Variants in EGLN2 observed in about 807,000 individuals in gnomAD.
The protein encoded by EGLN2 is egl-9 family hypoxia inducible factor 2, also known as prolyl hydroxylase EGLN2.
EGLN2 carries 15 observed loss-of-function variants against 38.2 expected under a neutral mutation model. The ratio of observed to expected loss-of-function variants is 0.39; its 90% CI spans 0.26 to 0.60. The LOEUF (loss-of-function observed/expected upper bound fraction) is 0.60. Among genes scored for constraint, EGLN2 ranks in the 20% least tolerant of loss-of-function variants. The pLI, the probability that EGLN2 is intolerant of heterozygous loss-of-function variation, is 0.50. For synonymous variants in EGLN2, 284 were observed against 237.4 expected (o/e 1.20, Z -1.81); for missense variants, 492 against 570.4 (o/e 0.86, Z 1.40).
chr19:40,801,555 C>T, intron 2 of EGLN2, 140 bp downstream of exon 2: 2 of 1,247,506 alleles, frequency 1.6e-6, no homozygotes, highest in South Asian at 1.5e-5. Flanking sequence ...AGTGGGTATG[C>T]TTACTTGTGG....
At position 40,801,032 on chromosome 19, in the gene EGLN2, TGCAGCA is replaced by T. The variant is rs1474349049; in HGVS notation, c.462_467del (p.Ser155_Ser156del). On this transcript the variant is annotated inframe_deletion, in exon 2 of 6. Coordinates refer to ENST00000303961, the MANE Select transcript of EGLN2 (RefSeq NM_080732.4). The stretch of plus-strand genomic sequence containing the variant: ...GCGGGAGGGTGGCATGAGCTGCAGC[TGCAGCA>T]GTGGCAGTGGTGAGGCCAGTGCTGG... 1 of 1,613,134 alleles carries T rather than the reference TGCAGCA, an allele frequency of 6.2e-7. No individual in the cohort carries two copies. Among genetic ancestry groups the T allele is most frequent in the Non-Finnish European group, 8.5e-7 (1 of 1,179,842 alleles).
intron 1 of EGLN2, chr19:40,799,887 CCT>C (rs1491087751): frequency 8.2e-6 from 1 of 121,778 alleles, no homozygotes; most frequent in Non-Finnish European, 1.9e-5. Context: ...TCCCCAGTTT[CCT>C]CTGTCTTTTG....
chr19:40,801,455 C>A, intron 2 of EGLN2, 40 bp downstream of exon 2: 3 of 1,575,764 alleles, frequency 1.9e-6, no homozygotes, highest in Non-Finnish European at 1.7e-6. Flanking sequence ...GGCTTTGCAG[C>A]ACCCTGGTTT....
intron 2 of EGLN2, among the ~76,000 whole-genome samples, chr19:40,802,333 GT>G (rs2083267835): frequency 6.6e-6 from 1 of 152,142 alleles, no homozygotes; most frequent in Non-Finnish European, 1.5e-5. Context: ...GTGGCTGCCT[GT>G]TGGCCCAGGT....
At position 40,800,394 on chromosome 19, in the gene EGLN2, A is replaced by C; in HGVS notation, c.-179A>C. ...AGGGACCGCAGAGGACTTGGGGACC[A>C]GCAAGCAACCCCCAGGGCACGAGAA... On this transcript the variant is annotated 5_prime_UTR_variant, in exon 2 of 6. Coordinates refer to ENST00000303961, the MANE Select transcript of EGLN2 (RefSeq NM_080732.4). The C allele has an allele frequency of 1.0e-6, 1 of 967,010 alleles. No homozygotes were observed. Among genetic ancestry groups the C allele is most frequent in the South Asian group, 1.8e-5 (1 of 54,638 alleles). The allele number at this position is 967,010 out of a possible 1,614,324, so 59.9% of individuals were successfully genotyped here. A position where few individuals can be genotyped will look rare whatever the true frequency, so the allele number is the denominator to read the frequency against.
intron 3 of EGLN2, 63 bp downstream of exon 3, chr19:40,806,737 G>C (rs558606448): frequency 1.3e-6 from 2 of 1,585,730 alleles, no homozygotes; most frequent in Admixed American, 3.4e-5. Flanking sequence ...GGTGGCGTGC[G>C]TCCACTCCAT....
rs751674826 is a variant in EGLN2, at chr19:40,807,781, ACTGT to A, written c.1169-25_1169-22del. On this transcript the variant is annotated intron_variant, in intron 5 of 5. Coordinates refer to ENST00000303961, the MANE Select transcript of EGLN2 (RefSeq NM_080732.4). Reference sequence around the variant, plus strand: ...GGCTTCTTTGTCCTTCTGATGACTCACTGTCTCCTGTCCCCTCTCACCCCCAGCA... The same window carrying A: ...GGCTTCTTTGTCCTTCTGATGACTCACTCCTGTCCCCTCTCACCCCCAGCA... 12 of 1,612,788 alleles carry A rather than the reference ACTGT, an allele frequency of 7.4e-6. No individual in the cohort carries two copies. The South Asian group carries it at 1.3e-4, about 18-fold the overall frequency.
Position 40,807,522 on chromosome 19 carries a change from G to A in EGLN2, c.1139G>A (p.Arg380Gln), listed in dbSNP as rs1190794600. 1.9e-6 allele frequency: 3 copies of A among 1,614,124 alleles called. No individual in the cohort carries two copies. Among genetic ancestry groups the A allele is most frequent in the African/African-American group, 1.3e-5 (1 of 75,032 alleles). ...GTCTGGTATTTTGATGCCAAGGAGC[G>A]GGCAGCAGCCAAAGACAAGTATCAG... ...ITVWYFDAKE[R>Q]AAAKDKYQLA... The change falls in exon 5 of 6, where the codon CGG becomes CAG. Residue 380 changes from arginine (R) to glutamine (Q), a missense_variant. Coordinates refer to ENST00000303961, the MANE Select transcript of EGLN2 (RefSeq NM_080732.4).
chr19:40,800,674 G>A lies in EGLN2; in HGVS notation c.102G>A (p.Met34Ile). 1 of 1,614,048 alleles carries A rather than the reference G, an allele frequency of 6.2e-7. No individual in the cohort carries two copies. Among genetic ancestry groups the A allele is most frequent in the Non-Finnish European group, 8.5e-7 (1 of 1,180,012 alleles). ...PLEPEPGRAR[M>I]GVESYLPCPL... ...AGCCTGAGCCTGGCCGGGCCAGGAT[G>A]GGAGTGGAGAGTTACCTGCCCTGTC... is the stretch of plus-strand genomic sequence containing the variant. The change falls in exon 2 of 6, where the codon ATG becomes ATA. Residue 34 changes from methionine (M) to isoleucine (I), a missense_variant. By Grantham distance (10) the Met-to-Ile change is conservative (BLOSUM62 1). Coordinates refer to ENST00000303961, the MANE Select transcript of EGLN2 (RefSeq NM_080732.4).
chr19:40,802,826 C>T lies in EGLN2; in HGVS notation c.843+1411C>T, dbSNP rs3756476. Among the ~76,000 whole-genome samples the T allele has an allele frequency of 8.0e-3, 1,220 of 152,332 alleles. 94 individuals are homozygous for T. The East Asian group carries it at 0.18, about 23-fold the overall frequency. On this transcript the variant is annotated intron_variant, in intron 2 of 5. Transcript: ENST00000303961. ...AGTGATGCCTGGCTGGCTGATGGCA[C>T]GGGCAGTGTTGTGCCCTGCAGGCGT...
intron 2 of EGLN2, chr19:40,804,033 G>C (rs1235101055): frequency 6.6e-6 from 1 of 152,248 alleles, no homozygotes; most frequent in African/African-American, 2.4e-5. Context: ...GTGTATATGT[G>C]GGGGAAGGGT....
rs758621778 is a variant in EGLN2, at chr19:40,807,316, T to C, written c.1100+42T>C. On this transcript the variant is annotated intron_variant, in intron 4 of 5. Coordinates refer to ENST00000303961, the MANE Select transcript of EGLN2 (RefSeq NM_080732.4). ...TGGAGACGCACCCAGGTGCTCCCCC[T>C]GTGACAATGTCCTGTCAGAGCCTCA... is the stretch of plus-strand genomic sequence containing the variant. 5.6e-6 allele frequency: 9 copies of C among 1,613,006 alleles called. No homozygotes were observed. The South Asian group carries it at 9.9e-5, about 18-fold the overall frequency.
At chr19:40,807,630 C>A in intron 5 of EGLN2, 79 bp downstream of exon 5, 1 of 1,523,506 alleles carries the variant, frequency 6.6e-7, no homozygotes, top group Non-Finnish European at 9.1e-7. Flanking sequence ...CCCTCATCAG[C>A]CTCTTGTTAA....
Position 40,801,252 on chromosome 19 carries a change from A to G in EGLN2, c.680A>G (p.Gln227Arg). 1 of 1,612,892 alleles carries G rather than the reference A, an allele frequency of 6.2e-7. No individual in the cohort carries two copies. The highest frequency in any genetic ancestry group is 8.5e-7 in the Non-Finnish European group (1 of 1,179,954). The stretch of plus-strand genomic sequence containing the variant: ...CTGCGAGACGGGCAGCTAGTGAGCC[A>G]GAGGGCGATCCCGCCGCGCAGCATC... ...GRLRDGQLVS[Q>R]RAIPPRSIRG... Residue 227 changes from glutamine to arginine, a missense_variant, in exon 2 of 6, where the codon CAG (glutamine) becomes CGG (arginine). By Grantham distance (43) the Gln-to-Arg change is conservative (BLOSUM62 1). Around this residue, in one of 2 missense-constraint regions of EGLN2, gnomAD observed 378 missense variants for 386.2 expected, o/e 0.98. Transcript: ENST00000303961.
Position 40,806,717 on chromosome 19 carries a change from C to G in EGLN2, c.963+43C>G. ...GGTGAGGGTGGCGCTGGGGCTAGGG[C>G]TGGGGCGGGGGTGGCGTGCGTCCAC... On this transcript the variant is annotated intron_variant, in intron 3 of 5. Transcript: ENST00000303961. 1.9e-6 allele frequency: 3 copies of G among 1,598,924 alleles called. No homozygotes were observed. The South Asian group carries it at 3.3e-5, about 18-fold the overall frequency.
Position 40,807,940 on chromosome 19 carries a change from T to A in EGLN2, c.*76T>A. The A allele has an allele frequency of 7.1e-7, 1 of 1,408,224 alleles. No homozygotes were observed. Among genetic ancestry groups the A allele is most frequent in the African/African-American group, 1.4e-5 (1 of 70,518 alleles). 87.2% of individuals were successfully genotyped at this position (1,408,224 alleles called of 1,614,324 possible). A position where few individuals can be genotyped will look rare whatever the true frequency, so the allele number is the denominator to read the frequency against. The stretch of plus-strand genomic sequence containing the variant: ...CCCTGGGCCTGTGCTGGCTGCTCCT[T>A]CCCTGCCACCGCTGCTGCTTCTGAC... On this transcript the variant is annotated 3_prime_UTR_variant, in exon 6 of 6. Coordinates refer to ENST00000303961, the MANE Select transcript of EGLN2 (RefSeq NM_080732.4).
intron 3 of EGLN2, 109 bp downstream of exon 3, chr19:40,806,783 T>C: frequency 1.3e-5 from 19 of 1,451,136 alleles, no homozygotes; most frequent in Non-Finnish European, 1.7e-5. Flanking sequence ...CATTCTCCTG[T>C]TTCTCTTCTC....
In EGLN2 at chr19:40,807,332, C is replaced by T. The variant is rs2083312353; in HGVS notation, c.1100+58C>T. Reference sequence around the variant, plus strand: ...TGCTCCCCCTGTGACAATGTCCTGTCAGAGCCTCAGAGTGACTAGGGAGCG... The same window carrying T: ...TGCTCCCCCTGTGACAATGTCCTGTTAGAGCCTCAGAGTGACTAGGGAGCG... On this transcript the variant is annotated intron_variant, in intron 4 of 5. Transcript: ENST00000303961. The T allele has an allele frequency of 5.6e-6, 9 of 1,610,418 alleles. No individual in the cohort carries two copies. The East Asian group carries it at 2.0e-4, about 36-fold the overall frequency.
At chr19:40,807,030 G>A (rs950402364) in intron 3 of EGLN2, 108 bp from the exon 4 acceptor site, 59 of 1,525,682 alleles carry the variant, frequency 3.9e-5, no homozygotes, top group Non-Finnish European at 5.2e-5. Context: ...AGGGGTGGGA[G>A]GGAGTGATGC....
Sources: gnomAD v4.1 joint callset for allele counts (sites outside exome capture counted in the v4.1 genomes callset) on GRCh38, gnomAD v4.1.1 for gene constraint, gnomAD v4.1.1 regional missense constraint, MANE v1.5 for transcripts, NCBI Gene and HGNC (gene_info 2026-07-23, HGNC 2026-07-21) for gene names.